PDE1A: variants seen among roughly 807,000 people sequenced by gnomAD.
PDE1A encodes phosphodiesterase 1A, also known as dual specificity calcium/calmodulin-dependent 3',5'-cyclic nucleotide phosphodiesterase 1A.
In PDE1A, 35 loss-of-function variants were observed where a neutral mutation model predicts 61.7. The ratio of observed to expected loss-of-function variants is 0.57; its 90% confidence interval spans 0.43 to 0.75. PDE1A has a LOEUF of 0.75. Ranked by LOEUF, PDE1A falls within the 30% of genes least tolerant of loss-of-function variation. PDE1A has a pLI of 0.00. For synonymous variants in PDE1A, 232 were observed against 213.2 expected (o/e 1.09, Z -0.77); for missense variants, 597 against 630.6 (o/e 0.95, Z 0.57).
chr2:182,142,458 G>T (rs1220780783), downstream of PDE1A: 1 of 152,132 alleles, frequency 6.6e-6, no homozygotes, highest in Non-Finnish European at 1.5e-5. Flanking sequence ...CCTAGCTGGG[G>T]ATCTAATGCT....
intron 2 of PDE1A, among the ~76,000 whole-genome samples, chr2:182,499,918 T>TGAAA (rs1281469618): frequency 6.6e-6 from 1 of 152,122 alleles, no homozygotes; most frequent in Non-Finnish European, 1.5e-5. Flanking sequence ...CAAAGGGCAG[T>TGAAA]CCCAGGGGAT....
chr2:182,481,310 T>G (rs926112107), intron 2 of PDE1A, among the ~76,000 whole-genome samples: 1 of 151,880 alleles, frequency 6.6e-6, no homozygotes, highest in South Asian at 2.1e-4. Context: ...TAAAATACAA[T>G]AGCATTTATC....
Position 182,449,184 on chromosome 2 carries a change from T to C in PDE1A, c.101+73092A>G, listed in dbSNP as rs192299471. On this transcript the variant is annotated intron_variant, in intron 2 of 14. Coordinates refer to the PDE1A transcript ENST00000410103. ...AAAGGCATCACAAAATGATAGCTTATCTAACTGTGGAAGTATCCTTCCCAA... is the reference window on the plus strand; with the variant it reads ...AAAGGCATCACAAAATGATAGCTTACCTAACTGTGGAAGTATCCTTCCCAA... Among the ~76,000 whole-genome samples the C allele has an allele frequency of 2.6e-5, 4 of 151,710 alleles. No individual in the cohort carries two copies. In the East Asian group the frequency reaches 7.8e-4, roughly 30 times the overall value.
chr2:182,167,857 T>C (rs1441601420), downstream of PDE1A: 8 of 1,000,490 alleles, frequency 8.0e-6, no homozygotes, highest in Non-Finnish European at 9.6e-6. Context: ...CACTACATTT[T>C]TGACGTTTAG....
At chr2:182,393,696 T>C (rs1207009485) in intron 1 of PDE1A, among the ~76,000 whole-genome samples, 3 of 152,216 alleles carry the variant, frequency 2.0e-5, no homozygotes, top group Non-Finnish European at 4.4e-5. Flanking sequence ...TTTGAACACA[T>C]TGCTGCTTAG....
the PDE1A span, among the ~76,000 whole-genome samples, chr2:182,570,720 A>T: frequency 6.6e-6 from 1 of 152,198 alleles, no homozygotes; most frequent in South Asian, 2.1e-4. Flanking sequence ...TAATTGGAGC[A>T]ATATATGTCC....
intron 13 of PDE1A, among the ~76,000 whole-genome samples, chr2:182,172,457 A>G (rs1692314480): frequency 6.6e-6 from 1 of 152,044 alleles, no homozygotes; most frequent in South Asian, 2.1e-4. Flanking sequence ...TACTCCAATC[A>G]TATCTCATAA....
chr2:182,471,001 A>G (rs1387754565), intron 2 of PDE1A, among the ~76,000 whole-genome samples: 1 of 151,864 alleles, frequency 6.6e-6, no homozygotes, highest in African/African-American at 2.4e-5. Flanking sequence ...CATTTCAAAT[A>G]GTTAAAATTA....
chr2:182,383,666 T>G (rs1700863561), intron 1 of PDE1A, among the ~76,000 whole-genome samples: 1 of 152,026 alleles, frequency 6.6e-6, no homozygotes, highest in South Asian at 2.1e-4. Context: ...TTGGAAACCA[T>G]TCATGCATGG....
the PDE1A span, among the ~76,000 whole-genome samples, chr2:182,572,868 CAA>C: frequency 2.3e-4 from 12 of 53,024 alleles, no homozygotes; most frequent in African/African-American, 4.2e-4. Context: ...GACTCTGTCT[CAA>C]AAAAAAAAAA....
rs550719688 is a variant in PDE1A at position 182,241,817 on chromosome 2, A to G, written c.168-1525T>C. 3.4e-5 allele frequency: 52 copies of G among 1,528,558 alleles called. 1 individual carries two copies. In the Admixed American group the frequency reaches 6.5e-4, roughly 19 times the overall value. 94.7% of individuals were successfully genotyped at this position (1,528,558 alleles called of 1,614,324 possible). Reference sequence around the variant, plus strand: ...TAATACTTACTCTATATGATTTTTAACTTTCTTTCTGATCTGACATTTGGA... The same window carrying G: ...TAATACTTACTCTATATGATTTTTAGCTTTCTTTCTGATCTGACATTTGGA... On this transcript the variant is annotated intron_variant, in intron 2 of 13. Coordinates refer to ENST00000351439, the Ensembl canonical transcript of PDE1A.
intron 1 of PDE1A, among the ~76,000 whole-genome samples, chr2:182,385,579 C>G (rs1427312968): frequency 1.2e-5 from 1 of 84,432 alleles, no homozygotes; most frequent in Non-Finnish European, 2.5e-5. Context: ...AGCAAGGAAT[C>G]AAAACATACC....
At chr2:182,572,455 A>G in the PDE1A span, among the ~76,000 whole-genome samples, 2 of 152,194 alleles carry the variant, frequency 1.3e-5, no homozygotes, top group African/African-American at 2.4e-5. Flanking sequence ...TTAAATCACA[A>G]TCACTATAAA....
chr2:182,362,000 C>T (rs1699540535), intron 1 of PDE1A, among the ~76,000 whole-genome samples: 1 of 151,986 alleles, frequency 6.6e-6, no homozygotes, highest in South Asian at 2.1e-4. Context: ...CGTTACTATC[C>T]TAGAATGCTG....
At position 182,201,669 on chromosome 2, in the gene PDE1A, A is replaced by G; in HGVS notation, c.1004+19T>C. 2 of 1,540,970 alleles carry G rather than the reference A, an allele frequency of 1.3e-6. No individual in the cohort carries two copies. Among genetic ancestry groups the G allele is most frequent in the South Asian group, 1.2e-5 (1 of 83,224 alleles). On this transcript the variant is annotated intron_variant, in intron 9 of 13. Transcript: ENST00000351439. ...ACATGACAAAAAAAAAAAAACAACA[A>G]AAAAAACACAAAACCTACCCTTCAG...
chr2:182,709,725 T>G, the PDE1A span, among the ~76,000 whole-genome samples: 1 of 152,212 alleles, frequency 6.6e-6, no homozygotes, highest in Non-Finnish European at 1.5e-5. Flanking sequence ...ATGGTGCTGT[T>G]GTATTGAGTT....
chr2:182,627,720 A>C, the PDE1A span, among the ~76,000 whole-genome samples: 262 of 151,872 alleles, frequency 1.7e-3, 2 homozygotes, highest in South Asian at 0.017. Flanking sequence ...AGGCGGGCGG[A>C]TCATCTGAAG....
At chr2:182,441,022 G>T (rs1158768813) in intron 2 of PDE1A, among the ~76,000 whole-genome samples, 1 of 152,052 alleles carries the variant, frequency 6.6e-6, no homozygotes, top group Non-Finnish European at 1.5e-5. Context: ...AAGGAAAGAG[G>T]TTTAATGAAC....
chr2:182,305,728 A>T lies in PDE1A; in HGVS notation c.54-41314T>A, dbSNP rs1034297652. 1.1e-4 allele frequency among the ~76,000 whole-genome samples: 17 copies of T among 152,206 alleles called. No homozygotes were observed. In the South Asian group the frequency reaches 3.5e-3, roughly 32 times the overall value. On this transcript the variant is annotated intron_variant, in intron 1 of 13. Transcript: ENST00000351439. ...ACTGTTGTTGTTTTTATTATCTTAAAAGTAGATAATTATTTTTATTATATT... is the reference window on the plus strand; with the variant it reads ...ACTGTTGTTGTTTTTATTATCTTAATAGTAGATAATTATTTTTATTATATT...
Sources: gnomAD v4.1 joint callset for allele counts (sites outside exome capture counted in the v4.1 genomes callset) on GRCh38, gnomAD v4.1.1 for gene constraint, MANE v1.5 for transcripts, NCBI Gene and HGNC (gene_info 2026-07-23, HGNC 2026-07-21) for gene names.